AGAP1: variants seen among roughly 807,000 people sequenced by gnomAD.
AGAP1 encodes arf-GAP with GTPase, ANK repeat and PH domain-containing protein 1.
AGAP1 carries 29 observed loss-of-function variants against 105.3 expected under a neutral mutation model. The observed-to-expected ratio is 0.28, with a 90% CI of 0.21 to 0.38. AGAP1 has a LOEUF of 0.38. AGAP1 is among the 10% of genes least tolerant of loss of function. The pLI, the probability that AGAP1 is intolerant of heterozygous loss-of-function variation, is 1.00. For synonymous variants in AGAP1, 509 were observed against 485.9 expected, an observed-to-expected ratio of 1.05 and a Z score of -0.63; for missense variants, 998 against 1,165.1, an observed-to-expected ratio of 0.86 and a Z score of 2.09.
At chr2:235,910,254 A>C in intron 11 of AGAP1, among the ~76,000 whole-genome samples, 1 of 152,288 alleles carries the variant, frequency 6.6e-6, no homozygotes, top group South Asian at 2.1e-4. Flanking sequence ...TTCCCACCAC[A>C]TTGGGGTGCT....
intron 12 of AGAP1, among the ~76,000 whole-genome samples, chr2:235,950,354 G>T (rs1319373847): frequency 6.6e-6 from 1 of 151,750 alleles, no homozygotes; most frequent in African/African-American, 2.4e-5. Context: ...CCTGGCCATG[G>T]CTGTGCCATA....
intron 1 of AGAP1, among the ~76,000 whole-genome samples, chr2:235,580,433 TC>T (rs1944891774): frequency 7.2e-6 from 1 of 139,634 alleles, no homozygotes; most frequent in South Asian, 2.7e-4. Flanking sequence ...TGCTGGCTTT[TC>T]CCTCGGTGCT....
chr2:235,542,971 C>G (rs960275799), intron 1 of AGAP1, among the ~76,000 whole-genome samples: 1 of 152,166 alleles, frequency 6.6e-6, no homozygotes, highest in Non-Finnish European at 1.5e-5. Context: ...GGACGGTCTC[C>G]TGGAAGCCTG....
intron 1 of AGAP1, among the ~76,000 whole-genome samples, chr2:235,706,540 C>A (rs1309533692): frequency 2.6e-5 from 4 of 152,142 alleles, no homozygotes; most frequent in Non-Finnish European, 5.9e-5. Flanking sequence ...TATTTTGCAC[C>A]CCTCACCCCC....
Position 235,737,047 on chromosome 2 carries a change from T to C in AGAP1, c.311-3916T>C, listed in dbSNP as rs1198775204. ...AGAAAATGAATTTTAAAGTGTTACCTACCTGCCAGCCCAGACTTCTCAAGG... is the reference window on the plus strand; with the variant it reads ...AGAAAATGAATTTTAAAGTGTTACCCACCTGCCAGCCCAGACTTCTCAAGG... On this transcript the variant is annotated intron_variant, in intron 3 of 17. Coordinates refer to ENST00000304032, the MANE Select transcript of AGAP1 (RefSeq NM_001037131.3). This position sits in a 1 kb window ranked among gnomAD's most constrained non-coding sequence, Gnocchi z 4.5. Among the ~76,000 whole-genome samples the C allele has an allele frequency of 6.6e-6, 1 of 152,210 alleles. No homozygotes were observed. The highest frequency in any genetic ancestry group is 1.5e-5 in the Non-Finnish European group (1 of 68,032).
intron 1 of AGAP1, among the ~76,000 whole-genome samples, chr2:235,650,144 C>T (rs140068405): frequency 2.0e-5 from 3 of 152,062 alleles, no homozygotes; most frequent in African/African-American, 4.8e-5. Context: ...GGTGGATCAC[C>T]GGAGGTCAGG....
At chr2:235,912,548 T>C (rs2051669435) in intron 11 of AGAP1, among the ~76,000 whole-genome samples, 1 of 152,218 alleles carries the variant, frequency 6.6e-6, no homozygotes, top group Non-Finnish European at 1.5e-5. Context: ...TAGATCAACA[T>C]TTTATGCCTT....
Position 235,611,527 on chromosome 2 carries a change from A to G in AGAP1, c.164-97652A>G, listed in dbSNP as rs78093731. ...GATTCCTGTTTTGAGGTGGTGATTTATGATGCCTGTGTACTTCCCTGTGGT... is the reference window on the plus strand; with the variant it reads ...GATTCCTGTTTTGAGGTGGTGATTTGTGATGCCTGTGTACTTCCCTGTGGT... On this transcript the variant is annotated intron_variant, in intron 1 of 17. Transcript: ENST00000304032. The surrounding 1 kb of genome is among the most constrained non-coding windows in gnomAD (Gnocchi z 5.0). Among the ~76,000 whole-genome samples the G allele has an allele frequency of 6.6e-6, 1 of 152,164 alleles. No individual in the cohort carries two copies. Among genetic ancestry groups the G allele is most frequent in the Non-Finnish European group, 1.5e-5 (1 of 68,048 alleles).
chr2:235,516,073 G>GCTGCTGCTGCTGCTGCTGCTGCTGCTT (rs1942371521), intron 1 of AGAP1, among the ~76,000 whole-genome samples: 2 of 141,300 alleles, frequency 1.4e-5, no homozygotes, highest in African/African-American at 5.0e-5. Context: ...TGCTGCTGCT[G>GCTGCTGCTGCTGCTGCTGCTGCTGCTT]CTGCTGCTGC....
At chr2:236,116,729 G>T (rs1007532816) in intron 16 of AGAP1, among the ~76,000 whole-genome samples, 5 of 151,980 alleles carry the variant, frequency 3.3e-5, no homozygotes, top group African/African-American at 4.8e-5. Flanking sequence ...CCTATTTGTA[G>T]TCTTTTATCC....
chr2:235,722,884 A>C (rs1951458091), intron 3 of AGAP1, among the ~76,000 whole-genome samples: 1 of 144,362 alleles, frequency 6.9e-6, no homozygotes, highest in South Asian at 2.2e-4. Context: ...AACAATAGCA[A>C]ATGAGCTAAA....
At position 235,733,097 on chromosome 2, in the gene AGAP1, C is replaced by A. The variant is rs188470597; in HGVS notation, c.311-7866C>A. The stretch of plus-strand genomic sequence containing the variant: ...CTTTAGGGACCAGGGCTCTGCTCTT[C>A]CTGGGAATTTACCACATCCTCTTCC... On this transcript the variant is annotated intron_variant, in intron 3 of 17. Coordinates refer to ENST00000304032, the MANE Select transcript of AGAP1 (RefSeq NM_001037131.3). This position sits in a 1 kb window ranked among gnomAD's most constrained non-coding sequence, Gnocchi z 5.0. Among the ~76,000 whole-genome samples, 11 of 152,308 alleles carry A rather than the reference C, an allele frequency of 7.2e-5. No individual in the cohort carries two copies. Among genetic ancestry groups the A allele is most frequent in the Non-Finnish European group, 1.0e-4 (7 of 68,024 alleles).
chr2:235,588,966 G>A (rs1038912532), intron 1 of AGAP1, among the ~76,000 whole-genome samples: 47 of 152,172 alleles, frequency 3.1e-4, no homozygotes, highest in African/African-American at 9.9e-4. Flanking sequence ...ATTTCCCACT[G>A]TTCGTTGTGC....
intron 1 of AGAP1, among the ~76,000 whole-genome samples, chr2:235,607,768 G>A (rs1945995069): frequency 6.6e-6 from 1 of 152,230 alleles, no homozygotes; most frequent in African/African-American, 2.4e-5. Flanking sequence ...TGGAAGGGCA[G>A]CGGGGCGCGA....
intron 9 of AGAP1, among the ~76,000 whole-genome samples, chr2:235,847,121 T>C (rs1206188840): frequency 6.6e-6 from 1 of 152,204 alleles, no homozygotes. Flanking sequence ...TTTTTGAATA[T>C]AGAGGCTTAA....
intron 9 of AGAP1, among the ~76,000 whole-genome samples, chr2:235,847,974 C>A (rs984124495): frequency 6.6e-6 from 1 of 152,212 alleles, no homozygotes; most frequent in Non-Finnish European, 1.5e-5. Flanking sequence ...AGAATTAAAA[C>A]CTTTGGCATA....
rs917189111 is a variant in AGAP1 at position 235,753,496 on chromosome 2, A to C, written c.673+3008A>C. 6.6e-6 allele frequency among the ~76,000 whole-genome samples: 1 copy of C among 152,114 alleles called. No individual in the cohort carries two copies. The highest frequency in any genetic ancestry group is 6.6e-5 in the Admixed American group (1 of 15,262). On this transcript the variant is annotated intron_variant, in intron 6 of 17. Coordinates refer to ENST00000304032, the MANE Select transcript of AGAP1 (RefSeq NM_001037131.3). The surrounding 1 kb of genome is among the most constrained non-coding windows in gnomAD (Gnocchi z 4.5). ...GAGGAGGGCAGATCACCTGAGGTCC[A>C]TAGTTCGAGACCAGCCTGGCCACCA...
intron 5 of AGAP1, among the ~76,000 whole-genome samples, chr2:235,746,551 G>A (rs1952969591): frequency 6.6e-6 from 1 of 151,770 alleles, no homozygotes; most frequent in Admixed American, 6.6e-5. Context: ...CCACCCAAAA[G>A]TCCTTGGTTC....
At chr2:236,074,844 C>T (rs1353943335) in intron 16 of AGAP1, among the ~76,000 whole-genome samples, 1 of 152,168 alleles carries the variant, frequency 6.6e-6, no homozygotes, top group Non-Finnish European at 1.5e-5. Flanking sequence ...CAGTTGAGCT[C>T]ATGAGTTCAA....
Sources: gnomAD v4.1 joint callset for allele counts (sites outside exome capture counted in the v4.1 genomes callset) on GRCh38, gnomAD v4.1.1 for gene constraint, Gnocchi (gnomAD v3.1) non-coding constraint, MANE v1.5 for transcripts, NCBI Gene and HGNC (gene_info 2026-07-23, HGNC 2026-07-21) for gene names.